Variants in CCDC170 observed in about 807,000 individuals in gnomAD.
CCDC170 encodes coiled-coil domain containing 170, also known as coiled-coil domain-containing protein 170.
In CCDC170, 69 loss-of-function variants were observed where a neutral mutation model predicts 72.6. The ratio of observed to expected loss-of-function variants is 0.95; its 90% confidence interval spans 0.78 to 1.16. The LOEUF is 1.16. CCDC170 is among the 50% of genes most tolerant of loss of function. The pLI is 0.00. For synonymous variants in CCDC170, 300 were observed against 303.9 expected (o/e 0.99, Z 0.13); for missense variants, 852 against 832.5 (o/e 1.02, Z -0.29).
Position 151,556,840 on chromosome 6 carries a change from T to C in CCDC170, c.774+8351T>C, listed in dbSNP as rs1782985502. Among the ~76,000 whole-genome samples, 3 of 147,842 alleles carry C rather than the reference T, an allele frequency of 2.0e-5. No homozygotes were observed. In the East Asian group the frequency reaches 6.0e-4, roughly 29 times the overall value. On this transcript the variant is annotated intron_variant, in intron 5 of 10. Transcript: ENST00000239374. ...ATTAAAGCTTATTTCTTCTATCTAC[T>C]GTATGCTTGTATCCATTAACCAATC...
chr6:151,527,911 G>T (rs1782436081), intron 1 of CCDC170, among the ~76,000 whole-genome samples: 1 of 152,070 alleles, frequency 6.6e-6, no homozygotes, highest in Non-Finnish European at 1.5e-5. Context: ...TTTCGTCCGT[G>T]GGATAATAAG....
intron 6 of CCDC170, among the ~76,000 whole-genome samples, chr6:151,585,649 T>C (rs867985923): frequency 2.6e-5 from 4 of 152,216 alleles, no homozygotes; most frequent in African/African-American, 7.2e-5. Context: ...TTGATTAACC[T>C]GATAAAAGAA....
Position 151,616,638 on chromosome 6 carries a change from G to T in CCDC170, c.1947+959G>T, listed in dbSNP as rs1008719339. Among the ~76,000 whole-genome samples, 4 of 152,120 alleles carry T rather than the reference G, an allele frequency of 2.6e-5. No individual in the cohort carries two copies. In the East Asian group the frequency reaches 7.8e-4, roughly 30 times the overall value. On this transcript the variant is annotated intron_variant, in intron 10 of 10. Transcript: ENST00000239374. The stretch of plus-strand genomic sequence containing the variant: ...GAAACTTTTTCATCAGGGAGACTAG[G>T]TCGGTGTCTTAGTCCTTTCAGGCTG...
chr6:151,498,518 A>C (rs2115015669), intron 1 of CCDC170, among the ~76,000 whole-genome samples: 1 of 152,370 alleles, frequency 6.6e-6, no homozygotes, highest in South Asian at 2.1e-4. Context: ...ACCTTTGTTC[A>C]TCTTGCAAAA....
chr6:151,606,563 C>A (rs892066820), intron 9 of CCDC170, among the ~76,000 whole-genome samples: 6 of 152,096 alleles, frequency 3.9e-5, no homozygotes, highest in African/African-American at 1.4e-4. Flanking sequence ...GGAGAATATT[C>A]CATGTGCTGA....
intron 5 of CCDC170, among the ~76,000 whole-genome samples, chr6:151,562,246 C>T (rs990151586): frequency 2.0e-5 from 3 of 152,146 alleles, no homozygotes; most frequent in Admixed American, 6.5e-5. Flanking sequence ...TAAGATCCAT[C>T]GTGAGAGAGC....
rs144435692 is a variant in CCDC170, at chr6:151,576,895, G to A, written c.1092+3404G>A. On this transcript the variant is annotated intron_variant, in intron 6 of 10. Coordinates refer to ENST00000239374, the MANE Select transcript of CCDC170 (RefSeq NM_025059.4). ...ATTCTGATGTGAAGGCTCCACGGCG[G>A]GTTCAGGCTCAGCTTGGCAGATTCT... Among the ~76,000 whole-genome samples, 102 of 152,256 alleles carry A rather than the reference G, an allele frequency of 6.7e-4. No individual in the cohort carries two copies. The Middle Eastern group carries it at 0.017, about 25-fold the overall frequency.
chr6:151,548,510 G>A (rs3734803), intron 5 of CCDC170, 21 bp downstream of exon 5: 261,259 of 1,506,348 alleles, frequency 0.17, 23,435 homozygotes, highest in East Asian at 0.25. Context: ...TGAAGTATAC[G>A]TGTGCATCTG....
intron 6 of CCDC170, among the ~76,000 whole-genome samples, chr6:151,578,499 G>C (rs1170263265): frequency 6.6e-6 from 1 of 152,114 alleles, no homozygotes; most frequent in African/African-American, 2.4e-5. Flanking sequence ...CCTCTTATAA[G>C]GACCTCAGTC....
At chr6:151,597,833 G>A (rs1776648101) in intron 9 of CCDC170, among the ~76,000 whole-genome samples, 2 of 152,286 alleles carry the variant, frequency 1.3e-5, no homozygotes, top group East Asian at 1.9e-4. Flanking sequence ...CAAGTACAGT[G>A]GACAATAACA....
intron 5 of CCDC170, among the ~76,000 whole-genome samples, chr6:151,553,399 A>C (rs975761381): frequency 6.6e-6 from 1 of 152,322 alleles, no homozygotes; most frequent in Admixed American, 6.5e-5. Context: ...CAACAATAAT[A>C]AATAGCCATA....
chr6:151,596,712 G>A (rs1277570194), intron 9 of CCDC170, 135 bp downstream of exon 9: 8 of 1,287,312 alleles, frequency 6.2e-6, no homozygotes, highest in Non-Finnish European at 8.4e-6. Flanking sequence ...AGAATTATGG[G>A]AAAAATGCAA....
chr6:151,596,273 A>G, intron 8 of CCDC170, 62 bp from the exon 9 acceptor site: 1 of 1,482,132 alleles, frequency 6.7e-7, no homozygotes, highest in East Asian at 2.4e-5. Context: ...TATCTGGGTA[A>G]CTCATTTATA....
At chr6:151,561,316 G>T (rs1247043257) in intron 5 of CCDC170, among the ~76,000 whole-genome samples, 1 of 152,006 alleles carries the variant, frequency 6.6e-6, no homozygotes, top group African/African-American at 2.4e-5. Context: ...TAGGGTCTGT[G>T]AACTTTGTAC....
At chr6:151,525,058 T>G (rs1275703313) in intron 1 of CCDC170, among the ~76,000 whole-genome samples, 8 of 149,544 alleles carry the variant, frequency 5.3e-5, no homozygotes, top group African/African-American at 7.4e-5. Flanking sequence ...TCAGCCTCCC[T>G]AGTGGCTGGG....
chr6:151,574,916 T>C (rs1169101076), intron 6 of CCDC170, among the ~76,000 whole-genome samples: 1 of 152,204 alleles, frequency 6.6e-6, no homozygotes, highest in Non-Finnish European at 1.5e-5. Context: ...TTCCTCCTTC[T>C]CTCCTTTTTT....
intron 6 of CCDC170, among the ~76,000 whole-genome samples, chr6:151,576,463 T>C (rs2115093811): frequency 6.6e-6 from 1 of 152,272 alleles, no homozygotes; most frequent in East Asian, 1.9e-4. Flanking sequence ...TTTCAAGTAG[T>C]TTCTTAAAAC....
intron 5 of CCDC170, among the ~76,000 whole-genome samples, chr6:151,561,610 TA>T (rs1320672952): frequency 6.6e-6 from 1 of 152,146 alleles, no homozygotes; most frequent in African/African-American, 2.4e-5. Flanking sequence ...CTTCTCTAGG[TA>T]ATTTGGCCCT....
chr6:151,570,302 C>A (rs1183267430), intron 5 of CCDC170, among the ~76,000 whole-genome samples: 1 of 152,160 alleles, frequency 6.6e-6, no homozygotes, highest in Non-Finnish European at 1.5e-5. Context: ...TCCATCCCAG[C>A]ATCATTGAAT....
Sources: gnomAD v4.1 joint callset for allele counts (sites outside exome capture counted in the v4.1 genomes callset) on GRCh38, gnomAD v4.1.1 for gene constraint, MANE v1.5 for transcripts, NCBI Gene and HGNC (gene_info 2026-07-23, HGNC 2026-07-21) for gene names.